The following TSPAN18 variants were observed in gnomAD, a reference collection of about 807,000 sequenced individuals.
TSPAN18 encodes the protein tetraspanin 18.
TSPAN18 carries 14 observed loss-of-function variants against 27.3 expected under a neutral mutation model. The ratio of observed to expected loss-of-function variants is 0.51; its 90% CI spans 0.34 to 0.80. The LOEUF is 0.80. Ranked by LOEUF, TSPAN18 falls within the 30% of genes least tolerant of loss-of-function variation. The probability of loss-of-function intolerance (pLI) is 0.01; values close to 1 mark genes in which losing one functional copy is unlikely to be tolerated. For missense variants in TSPAN18, 268 were observed against 323.9 expected (o/e 0.83, Z 1.32); for synonymous variants, 143 against 136.5 (o/e 1.05, Z -0.33).
chr11:44,862,883 C>T (rs1254425299), intron 3 of TSPAN18, among the ~76,000 whole-genome samples: 1 of 152,190 alleles, frequency 6.6e-6, no homozygotes, highest in Non-Finnish European at 1.5e-5. Flanking sequence ...CTTGTCATGG[C>T]CCTGGGGAGG....
At chr11:44,911,830 C>T (rs1036169520) in intron 5 of TSPAN18, among the ~76,000 whole-genome samples, 1 of 152,060 alleles carries the variant, frequency 6.6e-6, no homozygotes, top group African/African-American at 2.4e-5. Context: ...GACTGAGGCC[C>T]AGGGGTAGGA....
At chr11:44,773,119 A>C (rs1391479405) in intron 2 of TSPAN18, among the ~76,000 whole-genome samples, 3 of 152,142 alleles carry the variant, frequency 2.0e-5, no homozygotes, top group Non-Finnish European at 4.4e-5. Flanking sequence ...TTACATACAC[A>C]TTATTAAAAC....
chr11:44,795,148 C>A (rs1204621671), intron 2 of TSPAN18, among the ~76,000 whole-genome samples: 3 of 143,806 alleles, frequency 2.1e-5, no homozygotes, highest in African/African-American at 7.6e-5. Context: ...GTGGCTGGCT[C>A]CTGCCAGCCT....
At chr11:44,804,640 A>T (rs761173257) in intron 2 of TSPAN18, among the ~76,000 whole-genome samples, 22 of 152,130 alleles carry the variant, frequency 1.4e-4, no homozygotes, top group Non-Finnish European at 3.2e-4. Flanking sequence ...GCGATGAGGG[A>T]TTCTTGGCAA....
chr11:44,785,817 G>A (rs1044483656), intron 2 of TSPAN18, among the ~76,000 whole-genome samples: 2 of 152,208 alleles, frequency 1.3e-5, no homozygotes, highest in Non-Finnish European at 2.9e-5. Flanking sequence ...AAGCAGTGGA[G>A]CCAGGGCAGC....
chr11:44,827,783 A>G (rs1005166242), intron 2 of TSPAN18, among the ~76,000 whole-genome samples: 9 of 152,252 alleles, frequency 5.9e-5, no homozygotes, highest in African/African-American at 1.9e-4. Context: ...AGACAGGTGC[A>G]TGAGGAAAGG....
At chr11:44,816,237 G>T (rs139517130) in intron 2 of TSPAN18, among the ~76,000 whole-genome samples, 1 of 152,366 alleles carries the variant, frequency 6.6e-6, no homozygotes, top group East Asian at 1.9e-4. Context: ...TCAGCAAAGA[G>T]TACTGTAATC....
chr11:44,863,059 C>T (rs1290681020), intron 3 of TSPAN18, among the ~76,000 whole-genome samples: 3 of 152,142 alleles, frequency 2.0e-5, no homozygotes, highest in Non-Finnish European at 2.9e-5. Context: ...CGATCAAAGT[C>T]AAGACATCCA....
intron 4 of TSPAN18, among the ~76,000 whole-genome samples, chr11:44,908,368 C>T (rs1015458845): frequency 1.3e-5 from 2 of 152,124 alleles, no homozygotes; most frequent in Admixed American, 6.5e-5. Flanking sequence ...CTTTACAGCC[C>T]GCAAATCCCA....
rs774620277 is a variant in TSPAN18, at chr11:44,906,460, T to C, written c.44T>C (p.Val15Ala). The change falls in exon 4 of 10, where the codon GTA becomes GCA. Residue 15 changes from valine (V) to alanine (A), a missense_variant. Val to Ala is a moderately conservative substitution (Grantham distance 64). Coordinates refer to ENST00000520358, the MANE Select transcript of TSPAN18 (RefSeq NM_130783.5). ...AGCTGCATGAAGTATCTGATGTTTGTATTCAATTTCTTCATATTTGTAAGT... is the reference window on the plus strand; with the variant it reads ...AGCTGCATGAAGTATCTGATGTTTGCATTCAATTTCTTCATATTTGTAAGT... ...CLSCMKYLMF[V>A]FNFFIFLGGA... is the part of the protein sequence containing the mutation. The C allele has an allele frequency of 5.0e-6, 8 of 1,614,190 alleles. No individual in the cohort carries two copies. In the East Asian group the frequency reaches 1.3e-4, roughly 27 times the overall value.
chr11:44,805,118 A>T (rs1338387604), intron 2 of TSPAN18, among the ~76,000 whole-genome samples: 1 of 152,236 alleles, frequency 6.6e-6, no homozygotes, highest in Non-Finnish European at 1.5e-5. Flanking sequence ...AGCAGCCGGC[A>T]CTGGACGCTG....
intron 2 of TSPAN18, among the ~76,000 whole-genome samples, chr11:44,778,076 A>G (rs1309990835): frequency 2.0e-5 from 3 of 152,000 alleles, no homozygotes; most frequent in African/African-American, 7.2e-5. Context: ...TGGGGCAGTT[A>G]GTCTTCTGGT....
intron 3 of TSPAN18, among the ~76,000 whole-genome samples, chr11:44,901,753 G>T (rs899699921): frequency 7.9e-5 from 12 of 152,250 alleles, no homozygotes; most frequent in African/African-American, 2.7e-4. Flanking sequence ...CCTGGATCAG[G>T]TAGAGCACAG....
At chr11:44,740,267 C>G (rs554425741) in intron 1 of TSPAN18, among the ~76,000 whole-genome samples, 84 of 152,318 alleles carry the variant, frequency 5.5e-4, no homozygotes, top group African/African-American at 2.0e-3. Context: ...GGATGTGTGA[C>G]CGGGAGACCC....
At chr11:44,880,848 C>T (rs1858470496) in intron 3 of TSPAN18, among the ~76,000 whole-genome samples, 2 of 152,242 alleles carry the variant, frequency 1.3e-5, no homozygotes, top group South Asian at 4.1e-4. Flanking sequence ...GCCAGGGCAG[C>T]ACCGCTCAAT....
chr11:44,925,588 G>A (rs1416634652), intron 8 of TSPAN18: 1 of 152,206 alleles, frequency 6.6e-6, no homozygotes, highest in Non-Finnish European at 1.5e-5. Context: ...CTGCACGATG[G>A]ACAAGAGAAG....
intron 1 of TSPAN18, among the ~76,000 whole-genome samples, chr11:44,753,901 C>T (rs898824033): frequency 2.0e-5 from 3 of 152,298 alleles, no homozygotes; most frequent in South Asian, 2.1e-4. Flanking sequence ...TATTTGGACG[C>T]AACACACTTA....
intron 1 of TSPAN18, among the ~76,000 whole-genome samples, chr11:44,742,751 C>T (rs908361893): frequency 6.6e-6 from 1 of 152,234 alleles, no homozygotes; most frequent in African/African-American, 2.4e-5. Flanking sequence ...CTTGGTACCG[C>T]TAATGCAAAG....
At chr11:44,739,284 G>A (rs776906274) in intron 1 of TSPAN18, among the ~76,000 whole-genome samples, 9 of 152,102 alleles carry the variant, frequency 5.9e-5, no homozygotes, top group Non-Finnish European at 8.8e-5. Flanking sequence ...CCCTCCCTCC[G>A]TATCTTTTTT....
Sources: allele counts gnomAD v4.1 joint callset (sites outside exome capture counted in the v4.1 genomes callset), GRCh38; gene constraint gnomAD v4.1.1; transcripts MANE v1.5; gene names NCBI Gene and HGNC (gene_info 2026-07-23, HGNC 2026-07-21).